FREM3: variants seen among roughly 807,000 people sequenced by gnomAD.
FREM3 encodes FRAS1-related extracellular matrix protein 3.
FREM3 carries 105 observed loss-of-function variants against 129.1 expected under a neutral mutation model. That is an observed-to-expected ratio of 0.81 (90% confidence interval 0.69 to 0.96). The LOEUF (loss-of-function observed/expected upper bound fraction) is 0.96, where lower values mean the gene tolerates loss of function less well. Ranked by LOEUF, FREM3 falls within the 40% of genes least tolerant of loss-of-function variation. FREM3 has a pLI of 0.00. For missense variants in FREM3, 2,593 were observed against 2,666.3 expected, an observed-to-expected ratio of 0.97 and a Z score of 0.61; for synonymous variants, 1,014 against 1,044.9, an observed-to-expected ratio of 0.97 and a Z score of 0.57.
In FREM3 at chr4:143,637,944, C is replaced by T. The variant is rs368266153; in HGVS notation, c.5276-10184G>A. 3.9e-5 allele frequency among the ~76,000 whole-genome samples: 6 copies of T among 152,226 alleles called. No homozygotes were observed. In the East Asian group the frequency reaches 9.7e-4, roughly 25 times the overall value. On this transcript the variant is annotated intron_variant, in intron 2 of 7. Transcript: ENST00000329798. ...GAGAAGAAGGTGGCAGGTGTCAAGACTGCTAGCTCTAATTCTGTTCACTGA... is the reference window on the plus strand; with the variant it reads ...GAGAAGAAGGTGGCAGGTGTCAAGATTGCTAGCTCTAATTCTGTTCACTGA...
intron 2 of FREM3, among the ~76,000 whole-genome samples, chr4:143,667,266 A>T (rs1739880147): frequency 6.6e-6 from 1 of 152,204 alleles, no homozygotes; most frequent in Non-Finnish European, 1.5e-5. Flanking sequence ...CTCTTAAATT[A>T]AGATCTATAG....
chr4:143,686,003 TTA>T lies in FREM3; in HGVS notation c.5275+7108_5275+7109del, dbSNP rs142962701. On this transcript the variant is annotated intron_variant, in intron 2 of 7. Transcript: ENST00000329798. ...CTGCACATGTACCCCAGAACTTAAA[TTA>T]TATATATATATATGATACAGAACCG... 1.7e-4 allele frequency among the ~76,000 whole-genome samples: 25 copies of T among 150,698 alleles called. No homozygotes were observed. The East Asian group carries it at 1.9e-3, about 12-fold the overall frequency.
intron 2 of FREM3, among the ~76,000 whole-genome samples, chr4:143,650,681 G>A (rs938519407): frequency 3.3e-5 from 5 of 152,148 alleles, no homozygotes; most frequent in African/African-American, 9.7e-5. Flanking sequence ...CTGTAGAAAC[G>A]ACATCTTTCC....
In FREM3 at chr4:143,663,914, G is replaced by A. The variant is rs534461736; in HGVS notation, c.5275+29199C>T. Reference sequence around the variant, plus strand: ...CTTCTGCATTCTTCACGTAGTTCTCGAGCCTTGGCTTTCAGCTCCATCAGC... The same window carrying A: ...CTTCTGCATTCTTCACGTAGTTCTCAAGCCTTGGCTTTCAGCTCCATCAGC... On this transcript the variant is annotated intron_variant, in intron 2 of 7. Transcript: ENST00000329798. Among the ~76,000 whole-genome samples, 449 of 152,008 alleles carry A rather than the reference G, an allele frequency of 3.0e-3. 4 individuals are homozygous for A. The highest frequency in any genetic ancestry group is 1.0e-2 in the African/African-American group (414 of 41,442).
chr4:143,594,735 G>T (rs2132935), intron 6 of FREM3, among the ~76,000 whole-genome samples: 2 of 151,946 alleles, frequency 1.3e-5, no homozygotes, highest in Admixed American at 1.3e-4. Context: ...TGAGAGGAGG[G>T]TAGTGTCACT....
intron 2 of FREM3, among the ~76,000 whole-genome samples, chr4:143,646,447 T>G (rs752959293): frequency 2.6e-5 from 4 of 152,098 alleles, no homozygotes; most frequent in Non-Finnish European, 5.9e-5. Flanking sequence ...AATGTAATAA[T>G]CCCCACATGT....
At chr4:143,627,391 C>T (rs988126879) in intron 3 of FREM3, among the ~76,000 whole-genome samples, 1 of 152,056 alleles carries the variant, frequency 6.6e-6, no homozygotes, top group African/African-American at 2.4e-5. Flanking sequence ...ATGTAACTTG[C>T]TAGAAAGAGG....
chr4:143,618,843 C>T (rs1159221538), intron 5 of FREM3, among the ~76,000 whole-genome samples: 2 of 152,130 alleles, frequency 1.3e-5, no homozygotes, highest in African/African-American at 2.4e-5. Flanking sequence ...CTGCAGTGAG[C>T]TGTGATGGAG....
In FREM3 at chr4:143,695,832, G is replaced by T. The variant is rs748188547; in HGVS notation, c.4844C>A (p.Thr1615Asn). 109 of 1,537,220 alleles carry T rather than the reference G, an allele frequency of 7.1e-5. No homozygotes were observed. The highest frequency in any genetic ancestry group is 9.1e-5 in the Non-Finnish European group (104 of 1,146,944). Reference protein sequence around the residue: ...LISYKHDGSETTEDSFSLTVT... With the variant: ...LISYKHDGSENTEDSFSLTVT... The stretch of plus-strand genomic sequence containing the variant: ...AGTCAAGGAGAAACTATCTTCAGTG[G>T]TCTCACTGCCGTCATGCTTGTAGCT... The change falls in exon 1 of 8, where the codon ACC becomes AAC. Residue 1615 changes from threonine (T) to asparagine (N), a missense_variant. Physicochemically the swap from Thr to Asn is moderately conservative, Grantham distance 65 (BLOSUM62 0). This residue lies in a region of FREM3 where 2,276 missense variants were observed against 2,267.2 expected (regional missense o/e 1.00). Coordinates refer to ENST00000329798, the MANE Select transcript of FREM3 (RefSeq NM_001168235.2).
chr4:143,699,197 G>T lies in FREM3; in HGVS notation c.1479C>A (p.Phe493Leu). 2 of 1,537,322 alleles carry T rather than the reference G, an allele frequency of 1.3e-6. No homozygotes were observed. The highest frequency in any genetic ancestry group is 1.7e-4 in the Middle Eastern group (1 of 5,990). The change falls in exon 1 of 8, where the codon TTC (phenylalanine) becomes TTA (leucine). Residue 493 changes from phenylalanine to leucine, a missense_variant. Phe to Leu is a conservative substitution (Grantham distance 22). Coordinates refer to ENST00000329798, the MANE Select transcript of FREM3 (RefSeq NM_001168235.2). This position sits in a 1 kb window ranked among gnomAD's most constrained non-coding sequence, Gnocchi z 4.2. ...VFGAPAGCKY[F>L]TPADLAAGRV... is the part of the protein sequence containing the mutation. ...GCCCTGCTGCCAGGTCCGCTGGTGT[G>T]AAATACTTGCACCCAGCAGGTGCCC...
chr4:143,675,447 T>C (rs1029047704), intron 2 of FREM3, among the ~76,000 whole-genome samples: 6 of 151,786 alleles, frequency 4.0e-5, no homozygotes, highest in Admixed American at 1.3e-4. Context: ...AGGAAAGATC[T>C]AAAATTGACA....
rs556613374 is a variant in FREM3, at chr4:143,652,515, C to T, written c.5276-24755G>A. 9.2e-5 allele frequency among the ~76,000 whole-genome samples: 14 copies of T among 152,160 alleles called. No individual in the cohort carries two copies. In the East Asian group the frequency reaches 2.3e-3, roughly 25 times the overall value. On this transcript the variant is annotated intron_variant, in intron 2 of 7. Transcript: ENST00000329798. ...ACATAAAGAGTTTTAAAAGCCTTAA[C>T]GAGCAATAGAAATGAAAGTGGCAAA...
chr4:143,633,889 A>G (rs1024058), intron 2 of FREM3, among the ~76,000 whole-genome samples: 77,804 of 151,930 alleles, frequency 0.51, 20,357 homozygotes, highest in East Asian at 0.84. Flanking sequence ...TCATGAAATA[A>G]TAAGAGCTTA....
intron 6 of FREM3, among the ~76,000 whole-genome samples, chr4:143,590,537 C>T (rs1231922104): frequency 1.3e-5 from 2 of 152,086 alleles, no homozygotes; most frequent in South Asian, 2.1e-4. Context: ...TGCTGGATTA[C>T]GTTTATTGAT....
intron 2 of FREM3, among the ~76,000 whole-genome samples, chr4:143,664,840 G>T (rs1437291053): frequency 2.0e-5 from 3 of 152,124 alleles, no homozygotes; most frequent in Non-Finnish European, 2.9e-5. Flanking sequence ...TTTGATCTCA[G>T]ACTGCCGTGC....
At chr4:143,587,624 G>A (rs1182124913) in intron 6 of FREM3, among the ~76,000 whole-genome samples, 1 of 152,170 alleles carries the variant, frequency 6.6e-6, no homozygotes, top group Non-Finnish European at 1.5e-5. Context: ...CCACGGTTGG[G>A]ACAGGAAAGA....
chr4:143,653,948 T>G (rs945936192), intron 2 of FREM3, among the ~76,000 whole-genome samples: 2 of 152,052 alleles, frequency 1.3e-5, no homozygotes, highest in Non-Finnish European at 2.9e-5. Context: ...GAGAAAAAAG[T>G]TTTTTAAATT....
intron 4 of FREM3, among the ~76,000 whole-genome samples, chr4:143,622,642 C>T (rs1191275599): frequency 6.6e-6 from 1 of 152,108 alleles, no homozygotes; most frequent in Non-Finnish European, 1.5e-5. Context: ...ACTATCTTGA[C>T]ACCTTTCGAT....
In FREM3 at chr4:143,699,089, G is replaced by T. The variant is rs994710753; in HGVS notation, c.1587C>A (p.Asp529Glu). The T allele has an allele frequency of 2.6e-6, 4 of 1,537,344 alleles. No individual in the cohort carries two copies. In the African/African-American group the frequency reaches 5.5e-5, roughly 21 times the overall value. Residue 529 changes from aspartate (D) to glutamate (E), a missense_variant, in exon 1 of 8, where the codon GAC (aspartate) becomes GAA (glutamate). Coordinates refer to ENST00000329798, the MANE Select transcript of FREM3 (RefSeq NM_001168235.2). The surrounding 1 kb of genome is among the most constrained non-coding windows in gnomAD (Gnocchi z 4.2). ...FRMEDGHHQV[D>E]FLFPLTILPV... ...GTAGGATGGTGAGGGGAAAGAGGAA[G>T]TCCACTTGGTGGTGCCCGTCCTCCA...
Sources: allele counts gnomAD v4.1 joint callset (sites outside exome capture counted in the v4.1 genomes callset), GRCh38; gene constraint gnomAD v4.1.1; regional missense constraint gnomAD v4.1.1; non-coding constraint Gnocchi (gnomAD v3.1); transcripts MANE v1.5; gene names NCBI Gene and HGNC (gene_info 2026-07-23, HGNC 2026-07-21).